The following HMCN2 variants were observed in gnomAD, a reference collection of about 807,000 sequenced individuals.
HMCN2 encodes hemicentin 2, also known as hemicentin-2.
A neutral mutation model predicts 377.5 loss-of-function variants in HMCN2; 325 were observed. That is an observed-to-expected ratio of 0.86 (90% CI 0.79 to 0.94). HMCN2 has a LOEUF of 0.94. HMCN2 is among the 40% of genes least tolerant of loss of function. The pLI is 0.00. For missense variants in HMCN2, 4,543 were observed against 4,725.3 expected (o/e 0.96, Z 1.13); for synonymous variants, 2,007 against 2,046.8 (o/e 0.98, Z 0.53).
intron 1 of HMCN2, among the ~76,000 whole-genome samples, chr9:130,274,776 T>C (rs1834594033): frequency 6.6e-6 from 1 of 152,188 alleles, no homozygotes; most frequent in African/African-American, 2.4e-5. Context: ...TCCCCCCACA[T>C]AATATGGCAT....
intron 15 of HMCN2, among the ~76,000 whole-genome samples, chr9:130,315,661 T>C (rs1015231445): frequency 6.6e-6 from 1 of 151,446 alleles, no homozygotes; most frequent in Non-Finnish European, 1.5e-5. Context: ...CATGATGAAA[T>C]ACCATAGACC....
chr9:130,322,944 C>T (rs1018750970), intron 19 of HMCN2, among the ~76,000 whole-genome samples: 9 of 152,298 alleles, frequency 5.9e-5, no homozygotes, highest in South Asian at 2.1e-4. Context: ...GAAGAACGCG[C>T]GTTCCCCATT....
rs79050637 is a variant in HMCN2, at chr9:130,392,977, C to A, written c.10137-235C>A. Among the ~76,000 whole-genome samples the A allele has an allele frequency of 1.0e-3, 156 of 150,832 alleles. 1 individual carries two copies. In the East Asian group the frequency reaches 0.028, roughly 27 times the overall value. ...TGCCACTGCACTCCAGCCTGGGTGA[C>A]AGAGTGAGACACCATCTCACCATCT... On this transcript the variant is annotated intron_variant, in intron 66 of 97. Coordinates refer to ENST00000683500, the MANE Select transcript of HMCN2 (RefSeq NM_001291815.2).
Position 130,418,782 on chromosome 9 carries a change from G to A in HMCN2, c.12972G>A (p.Val4324=), listed in dbSNP as rs1588431235. 6.9e-7 allele frequency: 1 copy of A among 1,444,610 alleles called. No individual in the cohort carries two copies. Among genetic ancestry groups the A allele is most frequent in the Non-Finnish European group, 9.2e-7 (1 of 1,090,764 alleles). The allele number at this position is 1,444,610 out of a possible 1,614,324, so 89.5% of individuals were successfully genotyped here. ...CTGGGCCTCCCACAGGTGCTCCGGT[G>A]TTCCAGGTGGAGCCCCAGGACATGA... ...VVILVLQSAP[V]FQVEPQDMTV... Residue 4324 remains valine (V), a synonymous_variant, in exon 86 of 98, where the codon GTG becomes GTA. Coordinates refer to ENST00000683500, the MANE Select transcript of HMCN2 (RefSeq NM_001291815.2).
chr9:130,374,337 A>G lies in HMCN2; in HGVS notation c.7439-165A>G, dbSNP rs1183668268. The stretch of plus-strand genomic sequence containing the variant: ...TCAGTAAGGAGAAGGCAGCCAAATC[A>G]CAGAGGAAGGGGCACAGGCTGCTGC... On this transcript the variant is annotated intron_variant, in intron 48 of 97. Coordinates refer to ENST00000683500, the MANE Select transcript of HMCN2 (RefSeq NM_001291815.2). Among the ~76,000 whole-genome samples the G allele has an allele frequency of 2.0e-5, 3 of 152,236 alleles. No homozygotes were observed. The South Asian group carries it at 6.2e-4, about 32-fold the overall frequency.
chr9:130,335,654 G>A (rs1021836666), intron 22 of HMCN2, among the ~76,000 whole-genome samples: 2 of 152,092 alleles, frequency 1.3e-5, no homozygotes, highest in African/African-American at 4.8e-5. Flanking sequence ...GGCACCTCAG[G>A]CTTTGTGTGT....
At position 130,284,626 on chromosome 9, in the gene HMCN2, G is replaced by A; in HGVS notation, c.283G>A (p.Ala95Thr). ...AGATATTGGCCCAGTGACCCTCACG[G>A]CGGACCCCACAGTGTTTCAGAGGGA... ...DPDIGPVTLT[A>T]DPTVFQRELR... Residue 95 changes from alanine to threonine, a missense_variant, in exon 2 of 98, where the codon GCG becomes ACG. Transcript: ENST00000683500. The A allele has an allele frequency of 4.2e-6, 2 of 471,210 alleles. No homozygotes were observed. Among genetic ancestry groups the A allele is most frequent in the South Asian group, 3.1e-5 (2 of 64,566 alleles). The allele number at this position is 471,210 out of a possible 1,614,324, so 29.2% of individuals were successfully genotyped here.
At chr9:130,425,160 C>T in intron 89 of HMCN2, 30 bp downstream of exon 89, 1 of 1,525,432 alleles carries the variant, frequency 6.6e-7, no homozygotes, top group Non-Finnish European at 8.8e-7. Flanking sequence ...GGTGTGCAGA[C>T]AGGGTAGGTG....
chr9:130,359,325 C>T lies in HMCN2; in HGVS notation c.5684C>T (p.Pro1895Leu), dbSNP rs200806476. ...REVALKVLVP[P>L]NIEPGPVNKA... The stretch of plus-strand genomic sequence containing the variant: ...TCTCCTTGTCTCCCCCTAGTGCCCC[C>T]CAACATCGAGCCAGGCCCAGTCAAC... The change falls in exon 37 of 98, where the codon CCC becomes CTC. Residue 1895 changes from proline to leucine, a missense_variant. Physicochemically the swap from Pro to Leu is moderately conservative, Grantham distance 98. Transcript: ENST00000683500. 7.7e-7 allele frequency: 1 copy of T among 1,302,992 alleles called. No homozygotes were observed. The highest frequency in any genetic ancestry group is 1.0e-6 in the Non-Finnish European group (1 of 987,964). The allele number at this position is 1,302,992 out of a possible 1,614,324, so 80.7% of individuals were successfully genotyped here.
chr9:130,327,613 A>C (rs958394728), intron 22 of HMCN2, 138 bp downstream of exon 22: 1 of 152,220 alleles, frequency 6.6e-6, no homozygotes, highest in Non-Finnish European at 1.5e-5. Flanking sequence ...TCTGCACACA[A>C]GGCTGTTGTC....
chr9:130,363,024 G>C, intron 40 of HMCN2, 34 bp downstream of exon 40: 1 of 986,072 alleles, frequency 1.0e-6, no homozygotes. Flanking sequence ...ATGTGGTTCA[G>C]AGCAGCGGGG....
At position 130,308,580 on chromosome 9, in the gene HMCN2, G is replaced by C. The variant is rs1837031044; in HGVS notation, c.2200+1014G>C. Among the ~76,000 whole-genome samples, 2 of 152,170 alleles carry C rather than the reference G, an allele frequency of 1.3e-5. No homozygotes were observed. The highest frequency in any genetic ancestry group is 4.1e-4 in the South Asian group (2 of 4,828). On this transcript the variant is annotated intron_variant, in intron 14 of 97. Coordinates refer to ENST00000683500, the MANE Select transcript of HMCN2 (RefSeq NM_001291815.2). This position sits in a 1 kb window ranked among gnomAD's most constrained non-coding sequence, Gnocchi z 4.1. ...CTCATCAGAGCCTCACCCTGACTCTGAGAAAGGCAGGGCAGGTGATATTAG... is the reference window on the plus strand; with the variant it reads ...CTCATCAGAGCCTCACCCTGACTCTCAGAAAGGCAGGGCAGGTGATATTAG...
chr9:130,329,134 C>T (rs1259677465), intron 22 of HMCN2, among the ~76,000 whole-genome samples: 1 of 152,220 alleles, frequency 6.6e-6, no homozygotes, highest in African/African-American at 2.4e-5. Context: ...ACTTCATACT[C>T]ATTGGCAGCC....
chr9:130,328,117 G>A (rs910152766), intron 22 of HMCN2, among the ~76,000 whole-genome samples: 20 of 152,314 alleles, frequency 1.3e-4, no homozygotes, highest in African/African-American at 4.6e-4. Context: ...AGAAGGTCTC[G>A]GAGCAGCCTG....
Position 130,356,607 on chromosome 9 carries a change from C to A in HMCN2, c.5425+350C>A, listed in dbSNP as rs565063887. On this transcript the variant is annotated intron_variant, in intron 34 of 97. Coordinates refer to ENST00000683500, the MANE Select transcript of HMCN2 (RefSeq NM_001291815.2). ...CCCAGAACTTTCTCCCTCCTCTTTG[C>A]CTGCCTAGCTCCTTATCTTTCAGGC... Among the ~76,000 whole-genome samples the A allele has an allele frequency of 2.6e-5, 4 of 152,370 alleles. No individual in the cohort carries two copies. In the East Asian group the frequency reaches 7.7e-4, roughly 29 times the overall value.
intron 43 of HMCN2, among the ~76,000 whole-genome samples, chr9:130,366,475 T>A (rs1343239484): frequency 7.5e-6 from 1 of 133,572 alleles, no homozygotes; most frequent in Non-Finnish European, 1.7e-5. Flanking sequence ...CAATTTTTTT[T>A]TTTTTTTTTT....
chr9:130,375,810 G>C, intron 50 of HMCN2, 66 bp from the exon 51 acceptor site: 1 of 978,348 alleles, frequency 1.0e-6, no homozygotes, highest in Non-Finnish European at 1.2e-6. Flanking sequence ...GGACCTGTGA[G>C]CCTGTCCTCA....
At chr9:130,379,067 AC>A (rs1459371597) in intron 53 of HMCN2, among the ~76,000 whole-genome samples, 181 bp from the exon 54 acceptor site, 3 of 152,148 alleles carry the variant, frequency 2.0e-5, no homozygotes, top group Non-Finnish European at 4.4e-5. Context: ...CCCAGCACAT[AC>A]TAGTTGCTCA....
intron 22 of HMCN2, among the ~76,000 whole-genome samples, chr9:130,330,647 C>T (rs1207791943): frequency 6.6e-6 from 1 of 152,174 alleles, no homozygotes; most frequent in East Asian, 1.9e-4. Flanking sequence ...ATCCTAGGAA[C>T]CTCAGAAGCC....
Sources: gnomAD v4.1 joint callset for allele counts (sites outside exome capture counted in the v4.1 genomes callset) on GRCh38, gnomAD v4.1.1 for gene constraint, Gnocchi (gnomAD v3.1) non-coding constraint, MANE v1.5 for transcripts, NCBI Gene and HGNC (gene_info 2026-07-23, HGNC 2026-07-21) for gene names.